Variants in NOC3L observed in about 807,000 individuals in gnomAD.
The protein encoded by NOC3L is nucleolar complex protein 3 homolog.
Under a neutral mutation model 102.5 loss-of-function variants are expected in NOC3L, and 85 were observed. That is an observed-to-expected ratio of 0.83 (90% CI 0.70 to 0.99). The LOEUF (loss-of-function observed/expected upper bound fraction) is 0.99. Ranked by LOEUF, NOC3L falls within the 50% of genes least tolerant of loss-of-function variation. The pLI, the probability that NOC3L is intolerant of heterozygous loss-of-function variation, is 0.00. For synonymous variants in NOC3L, 303 were observed against 309.4 expected, an observed-to-expected ratio of 0.98 and a Z score of 0.22; for missense variants, 878 against 914.9, an observed-to-expected ratio of 0.96 and a Z score of 0.52.
chr10:94,344,816 G>A (rs759573416), intron 12 of NOC3L, 37 bp downstream of exon 12: 27 of 1,454,994 alleles, frequency 1.9e-5, no homozygotes, highest in Middle Eastern at 1.8e-4. Context: ...ACAACTTAAC[G>A]CATTTTAAAA....
chr10:94,326,106 C>T, the NOC3L span, among the ~76,000 whole-genome samples: 1 of 152,194 alleles, frequency 6.6e-6, no homozygotes, highest in African/African-American at 2.4e-5. Context: ...CCTAATGAAC[C>T]TAAGGGTTCA....
chr10:94,324,837 G>A, the NOC3L span: 1 of 1,541,670 alleles, frequency 6.5e-7, no homozygotes, highest in Non-Finnish European at 9.0e-7. Flanking sequence ...AGTGTCATGT[G>A]ACAGAGGAAC....
In NOC3L at chr10:94,350,591, G is replaced by A. The variant is rs535001825; in HGVS notation, c.953-303C>T. 1.3e-4 allele frequency among the ~76,000 whole-genome samples: 19 copies of A among 151,712 alleles called. No homozygotes were observed. The South Asian group carries it at 3.5e-3, about 28-fold the overall frequency. ...TAGCCAGGCATGGTGGGTGGCACAC[G>A]CCTGTAGTCCCAGCTATTCAGGAGG... On this transcript the variant is annotated intron_variant, in intron 8 of 20. Coordinates refer to ENST00000371361, the MANE Select transcript of NOC3L (RefSeq NM_022451.11).
intron 2 of NOC3L, among the ~76,000 whole-genome samples, chr10:94,359,888 CCACT>C (rs1165660008): frequency 6.6e-6 from 1 of 151,868 alleles, no homozygotes; most frequent in East Asian, 1.9e-4. Flanking sequence ...TCAATCCCAC[CCACT>C]GCCAGGCATG....
rs1353171240 is a variant in NOC3L, at chr10:94,346,646, T to C, written c.1258-90A>G. Reference sequence around the variant, plus strand: ...TAGAAAAGCATTTAACAGTGTTATTTCCCTCGTTCATGAAAAAACCTTCAA... The same window carrying C: ...TAGAAAAGCATTTAACAGTGTTATTCCCCTCGTTCATGAAAAAACCTTCAA... On this transcript the variant is annotated intron_variant, in intron 10 of 20. Coordinates refer to ENST00000371361, the MANE Select transcript of NOC3L (RefSeq NM_022451.11). The C allele has an allele frequency of 8.5e-6, 6 of 704,854 alleles. No homozygotes were observed. The South Asian group carries it at 1.0e-4, about 12-fold the overall frequency. The allele number at this position is 704,854 out of a possible 1,614,324, so 43.7% of individuals were successfully genotyped here. A position where few individuals can be genotyped will look rare whatever the true frequency, so the allele number is the denominator to read the frequency against.
chr10:94,346,414 A>G lies in NOC3L; in HGVS notation c.1389+11T>C. ...AAATTTAAATGAAACAAAAGGGGAA[A>G]TAAGTCAAACCTTTCTCTGCATTCT... On this transcript the variant is annotated intron_variant, in intron 11 of 20. Coordinates refer to ENST00000371361, the MANE Select transcript of NOC3L (RefSeq NM_022451.11). The G allele has an allele frequency of 6.8e-7, 1 of 1,471,492 alleles. No individual in the cohort carries two copies. The highest frequency in any genetic ancestry group is 2.7e-5 in the East Asian group (1 of 37,244). The allele number at this position is 1,471,492 out of a possible 1,614,324, so 91.2% of individuals were successfully genotyped here.
downstream of NOC3L, chr10:94,332,572 CGTAT>C (rs779389618): frequency 4.0e-5 from 6 of 148,552 alleles, no homozygotes; most frequent in East Asian, 1.2e-3. Context: ...TACATATAAG[CGTAT>C]GTAAGTTAAT....
At chr10:94,350,017 C>T in intron 9 of NOC3L, 96 bp downstream of exon 9, 1 of 1,199,458 alleles carries the variant, frequency 8.3e-7, no homozygotes, top group Non-Finnish European at 1.2e-6. Context: ...CTCGGCCTCC[C>T]AAAGTGCTGG....
chr10:94,330,975 G>C (rs2054150718), downstream of NOC3L: 1 of 152,178 alleles, frequency 6.6e-6, no homozygotes, highest in Non-Finnish European at 1.5e-5. Flanking sequence ...AAAATTTTAA[G>C]AAGCATCACT....
the NOC3L span, among the ~76,000 whole-genome samples, chr10:94,326,345 C>T: frequency 6.6e-6 from 1 of 152,152 alleles, no homozygotes. Flanking sequence ...CAAAAGAAGG[C>T]CCAATACATT....
At chr10:94,332,415 G>A (rs1327697449), downstream of NOC3L, 1 of 152,050 alleles carries the variant, frequency 6.6e-6, no homozygotes, top group Non-Finnish European at 1.5e-5. Context: ...TGCCAGCATA[G>A]TGCTAAACAC....
In NOC3L at chr10:94,346,501, G is replaced by GT. The variant is rs1564912993; in HGVS notation, c.1312dup (p.Thr438AsnfsTer5). On this transcript the variant is annotated frameshift_variant, in exon 11 of 21. Coordinates refer to ENST00000371361, the MANE Select transcript of NOC3L (RefSeq NM_022451.11). LOFTEE classifies it high-confidence loss of function. Reference sequence around the variant, plus strand: ...TTTTTTTGGTTTATTAATGTCTTCTGTATCTTTTTTCACTTCTACTTCCTT... The same window carrying GT: ...TTTTTTTGGTTTATTAATGTCTTCTGTTATCTTTTTTCACTTCTACTTCCTT... The GT allele has an allele frequency of 6.8e-7, 1 of 1,478,758 alleles. No homozygotes were observed. Among genetic ancestry groups the GT allele is most frequent in the African/African-American group, 1.4e-5 (1 of 69,384 alleles). 91.6% of individuals were successfully genotyped at this position (1,478,758 alleles called of 1,614,324 possible). A position where few individuals can be genotyped will look rare whatever the true frequency, so the allele number is the denominator to read the frequency against.
chr10:94,316,789 C>T, the NOC3L span: 62 of 1,487,466 alleles, frequency 4.2e-5, no homozygotes, highest in Middle Eastern at 8.5e-4. Flanking sequence ...TACACAGTAA[C>T]GACTCATTAT....
chr10:94,355,588 C>G (rs558531472), intron 5 of NOC3L, among the ~76,000 whole-genome samples: 1 of 151,578 alleles, frequency 6.6e-6, no homozygotes, highest in Non-Finnish European at 1.5e-5. Context: ...GGGGTTTCAC[C>G]ATGTGGCCCA....
the NOC3L span, among the ~76,000 whole-genome samples, chr10:94,320,401 G>A: frequency 1.8e-4 from 27 of 152,284 alleles, no homozygotes; most frequent in African/African-American, 6.3e-4. Flanking sequence ...TGATTGCAAA[G>A]TTAATTAAAT....
At position 94,340,506 on chromosome 10, in the gene NOC3L, A is replaced by G. The variant is rs1287991030; in HGVS notation, c.1645-10T>C. 7.1e-7 allele frequency: 1 copy of G among 1,407,870 alleles called. No homozygotes were observed. 87.2% of individuals were successfully genotyped at this position (1,407,870 alleles called of 1,614,324 possible). A position where few individuals can be genotyped will look rare whatever the true frequency, so the allele number is the denominator to read the frequency against. On this transcript the variant is annotated splice_polypyrimidine_tract_variant and intron_variant, in intron 14 of 20. Coordinates refer to ENST00000371361, the MANE Select transcript of NOC3L (RefSeq NM_022451.11). ...CTTGATAGCTTAGGTCCTTTAAAAA[A>G]AAAAGGGGGGGGTGAGGGGGATGGA...
chr10:94,346,812 T>G (rs1221872215), intron 10 of NOC3L, among the ~76,000 whole-genome samples: 1 of 152,156 alleles, frequency 6.6e-6, no homozygotes, highest in Non-Finnish European at 1.5e-5. Context: ...CTTTGCAGTT[T>G]AATGAGTATA....
chr10:94,328,069 C>T, the NOC3L span: 2 of 481,790 alleles, frequency 4.2e-6, no homozygotes, highest in South Asian at 3.1e-5. Context: ...TGAACTGAAG[C>T]CTTCACACAT....
At chr10:94,343,995 G>C (rs2054314724) in intron 13 of NOC3L, among the ~76,000 whole-genome samples, 1 of 152,106 alleles carries the variant, frequency 6.6e-6, no homozygotes, top group Non-Finnish European at 1.5e-5. Flanking sequence ...CATTAGTGTT[G>C]AGTGAATACA....
Sources: gnomAD v4.1 joint callset for allele counts (sites outside exome capture counted in the v4.1 genomes callset) on GRCh38, gnomAD v4.1.1 for gene constraint, MANE v1.5 for transcripts, NCBI Gene and HGNC (gene_info 2026-07-23, HGNC 2026-07-21) for gene names.